The following KIF1A variants were observed in gnomAD, a reference collection of about 807,000 sequenced individuals.
KIF1A encodes kinesin-like protein KIF1A.
A neutral mutation model predicts 227.3 loss-of-function variants in KIF1A; 46 were observed. The observed-to-expected ratio is 0.20, with a 90% CI of 0.16 to 0.26. The LOEUF (loss-of-function observed/expected upper bound fraction) is 0.26. Among genes scored for constraint, KIF1A ranks in the 10% least tolerant of loss-of-function variants. The pLI is 1.00. For missense variants in KIF1A, 1,683 were observed against 2,485.9 expected, an observed-to-expected ratio of 0.68 and a Z score of 6.87; for synonymous variants, 1,022 against 1,012.8, an observed-to-expected ratio of 1.01 and a Z score of -0.17.
chr2:240,719,963 T>TCAGG, intron 45 of KIF1A, 37 bp from the exon 46 acceptor site: 1 of 1,548,896 alleles, frequency 6.5e-7, no homozygotes, highest in East Asian at 2.4e-5. Context: ...ACTGCAGGCC[T>TCAGG]CCCTGGGCCT....
rs749796376 is a variant in KIF1A at position 240,789,223 on chromosome 2, G to A, written c.183+13C>T. On this transcript the variant is annotated intron_variant, in intron 3 of 48. Transcript: ENST00000498729. The surrounding 1 kb of genome is among the most constrained non-coding windows in gnomAD (Gnocchi z 4.8). The stretch of plus-strand genomic sequence containing the variant: ...GCTGCCCCCGCCTCCCCCGACCCGG[G>A]GTCCCGGCTTACTGAGGTGTGCGAC... 6.2e-7 allele frequency: 1 copy of A among 1,611,658 alleles called. No homozygotes were observed. The highest frequency in any genetic ancestry group is 8.5e-7 in the Non-Finnish European group (1 of 1,177,776).
chr2:240,738,911 G>A (rs1052649832), intron 37 of KIF1A, among the ~76,000 whole-genome samples: 1 of 152,230 alleles, frequency 6.6e-6, no homozygotes, highest in African/African-American at 2.4e-5. Context: ...CTGCCCCAGG[G>A]ATCGTTCCTC....
chr2:240,723,109 C>T (rs2045607430), intron 42 of KIF1A, among the ~76,000 whole-genome samples: 1 of 152,248 alleles, frequency 6.6e-6, no homozygotes, highest in Non-Finnish European at 1.5e-5. Flanking sequence ...CCGCAGAGGG[C>T]AGCCCAGCCC....
intron 47 of KIF1A, 78 bp downstream of exon 47, chr2:240,718,928 G>C: frequency 8.3e-7 from 1 of 1,211,348 alleles, no homozygotes; most frequent in South Asian, 1.3e-5. Flanking sequence ...CTCTGACGCA[G>C]GGCTGCAGAG....
intron 1 of KIF1A, among the ~76,000 whole-genome samples, chr2:240,805,821 A>G (rs890623800): frequency 1.3e-5 from 2 of 152,224 alleles, no homozygotes; most frequent in African/African-American, 4.8e-5. Flanking sequence ...TTTAAAAATA[A>G]TTAAAAACCC....
chr2:240,817,510 G>A (rs554891866), intron 1 of KIF1A, among the ~76,000 whole-genome samples: 6 of 152,272 alleles, frequency 3.9e-5, no homozygotes, highest in South Asian at 4.1e-4. Context: ...CCGTGGTAGC[G>A]GCTCAGGCCC....
chr2:240,815,091 C>A (rs1448000780), intron 1 of KIF1A, among the ~76,000 whole-genome samples: 3 of 152,216 alleles, frequency 2.0e-5, no homozygotes, highest in Admixed American at 2.0e-4. Context: ...CCCTCCCAGG[C>A]CCCAAGGACC....
At chr2:240,797,616 C>T (rs753281183) in intron 2 of KIF1A, 31 bp downstream of exon 2, 17 of 1,519,630 alleles carry the variant, frequency 1.1e-5, no homozygotes, top group South Asian at 9.2e-5. Flanking sequence ...AACCCATGGC[C>T]GACCCCGATG....
intron 2 of KIF1A, among the ~76,000 whole-genome samples, chr2:240,797,431 G>T (rs1056042549): frequency 6.6e-6 from 1 of 152,170 alleles, no homozygotes; most frequent in South Asian, 2.1e-4. Flanking sequence ...TGGACTTCTG[G>T]CCTCCACAGC....
intron 10 of KIF1A, chr2:240,782,038 T>C (rs2126041381): frequency 4.1e-6 from 4 of 985,394 alleles, no homozygotes; most frequent in Non-Finnish European, 4.8e-6. Context: ...ATTCCCACGC[T>C]GGCTCACTCC....
At chr2:240,798,266 C>A (rs908871918) in intron 1 of KIF1A, among the ~76,000 whole-genome samples, 1 of 152,242 alleles carries the variant, frequency 6.6e-6, no homozygotes, top group Admixed American at 6.5e-5. Flanking sequence ...ACCCTTCACA[C>A]CAAGCGCCAG....
At chr2:240,768,525 CAAGA>C (rs1326498546) in intron 17 of KIF1A, among the ~76,000 whole-genome samples, 1 of 152,186 alleles carries the variant, frequency 6.6e-6, no homozygotes, top group Non-Finnish European at 1.5e-5. Flanking sequence ...ACTAGAACCA[CAAGA>C]AAGACTTTTT....
intron 47 of KIF1A, among the ~76,000 whole-genome samples, 188 bp from the exon 48 acceptor site, chr2:240,718,356 C>T (rs943874043): frequency 3.9e-5 from 6 of 152,222 alleles, no homozygotes; most frequent in African/African-American, 1.4e-4. Flanking sequence ...GACGCATCTG[C>T]GGCCGGTGGT....
intron 10 of KIF1A, among the ~76,000 whole-genome samples, 170 bp downstream of exon 10, chr2:240,782,420 C>T (rs1367365730): frequency 3.9e-5 from 6 of 152,286 alleles, no homozygotes; most frequent in Non-Finnish European, 7.4e-5. Flanking sequence ...GCACAGGCAC[C>T]GCACGGGGCC....
chr2:240,767,417 A>T, intron 17 of KIF1A, 72 bp from the exon 18 acceptor site: 2 of 1,268,208 alleles, frequency 1.6e-6, no homozygotes, highest in Admixed American at 3.7e-5. Context: ...CCCCCCTCCA[A>T]CCTCTCTCCA....
At chr2:240,797,523 A>G (rs2056536022) in intron 2 of KIF1A, 124 bp downstream of exon 2, 1 of 674,290 alleles carries the variant, frequency 1.5e-6, no homozygotes, top group African/African-American at 1.8e-5. Flanking sequence ...CCCACACGCC[A>G]CATAGACAAG....
intron 1 of KIF1A, among the ~76,000 whole-genome samples, chr2:240,806,764 G>T (rs886626323): frequency 6.6e-6 from 1 of 151,988 alleles, no homozygotes; most frequent in Non-Finnish European, 1.5e-5. Context: ...ATAGAAACAT[G>T]AATTTTCCTA....
At chr2:240,744,172 G>A in intron 32 of KIF1A, 112 bp from the exon 33 acceptor site, 1 of 760,184 alleles carries the variant, frequency 1.3e-6, no homozygotes, top group Non-Finnish European at 2.3e-6. Context: ...GGGACCCCTA[G>A]CTGGGCCCAC....
Position 240,761,275 on chromosome 2 carries a change from A to G in KIF1A, c.2219T>C (p.Ile740Thr). Residue 740 changes from isoleucine to threonine, a missense_variant, in exon 24 of 49, where the codon ATC becomes ACC. This residue lies in a region of KIF1A where 217 missense variants were observed against 427.0 expected (regional missense o/e 0.51). Coordinates refer to ENST00000498729, the MANE Select transcript of KIF1A (RefSeq NM_001244008.2). ...SLRDLLWGNAIFLKEANAISV... is the reference protein window; with the variant it reads ...SLRDLLWGNATFLKEANAISV... ...GATGGCATTGGCCTCCTTGAGGAAG[A>G]TGGCGTTGCCCCACAGCAGGTCCCG... The G allele has an allele frequency of 6.2e-7, 1 of 1,613,898 alleles. No individual in the cohort carries two copies. Among genetic ancestry groups the G allele is most frequent in the Non-Finnish European group, 8.5e-7 (1 of 1,179,842 alleles).
Sources: allele counts gnomAD v4.1 joint callset (sites outside exome capture counted in the v4.1 genomes callset), GRCh38; gene constraint gnomAD v4.1.1; regional missense constraint gnomAD v4.1.1; non-coding constraint Gnocchi (gnomAD v3.1); transcripts MANE v1.5; gene names NCBI Gene and HGNC (gene_info 2026-07-23, HGNC 2026-07-21).